The following DLG2 variants were observed in gnomAD, a reference collection of about 807,000 sequenced individuals.
The protein encoded by DLG2 is disks large homolog 2.
DLG2 carries 45 observed loss-of-function variants against 132.5 expected under a neutral mutation model. The observed-to-expected ratio is 0.34, with a 90% confidence interval of 0.27 to 0.44. The LOEUF is 0.44. DLG2 is among the 20% of genes least tolerant of loss of function. The pLI is 1.00. For missense variants in DLG2, 1,045 were observed against 1,196.9 expected (o/e 0.87, Z 1.87); for synonymous variants, 424 against 419.6 (o/e 1.01, Z -0.13).
chr11:83,770,178 T>C (rs562583548), intron 18 of DLG2, among the ~76,000 whole-genome samples: 3 of 152,138 alleles, frequency 2.0e-5, no homozygotes, highest in Admixed American at 2.0e-4. Context: ...ATCTTGTCCC[T>C]AAGTAAGTTT....
chr11:84,058,212 C>T (rs547491749), intron 11 of DLG2, among the ~76,000 whole-genome samples: 2 of 152,056 alleles, frequency 1.3e-5, no homozygotes, highest in East Asian at 3.9e-4. Flanking sequence ...ATGATTTACT[C>T]AAAGAGTACA....
At chr11:85,156,730 G>A (rs768411642) in intron 4 of DLG2, among the ~76,000 whole-genome samples, 20 of 152,090 alleles carry the variant, frequency 1.3e-4, no homozygotes, top group Non-Finnish European at 2.1e-4. Flanking sequence ...TGAACACGGC[G>A]GCACATCCAC....
At chr11:85,380,173 T>TA (rs397805341) in intron 3 of DLG2, among the ~76,000 whole-genome samples, 2 of 8,500 alleles carry the variant, frequency 2.4e-4, no homozygotes, top group African/African-American at 5.8e-4. Flanking sequence ...ACAAAAAATG[T>TA]AAGACATGAT....
chr11:84,239,913 A>G (rs1403369633), intron 8 of DLG2, among the ~76,000 whole-genome samples: 3 of 152,228 alleles, frequency 2.0e-5, no homozygotes, highest in Non-Finnish European at 4.4e-5. Context: ...GTTGTGTGGT[A>G]GAAACCGCTG....
At chr11:83,780,965 G>T (rs1241118227) in intron 18 of DLG2, among the ~76,000 whole-genome samples, 2 of 152,194 alleles carry the variant, frequency 1.3e-5, no homozygotes, top group African/African-American at 4.8e-5. Context: ...ACTCTAATGT[G>T]CATACAAGTT....
chr11:83,983,854 A>G (rs1178740641), intron 11 of DLG2, among the ~76,000 whole-genome samples: 11 of 152,072 alleles, frequency 7.2e-5, no homozygotes, highest in Admixed American at 7.2e-4. Flanking sequence ...GTTTCCCAAA[A>G]CTGTTACTTT....
At chr11:84,821,892 A>G (rs2077742609) in intron 6 of DLG2, among the ~76,000 whole-genome samples, 1 of 151,846 alleles carries the variant, frequency 6.6e-6, no homozygotes, top group South Asian at 2.1e-4. Flanking sequence ...TTTTTTAATC[A>G]TATCAAACAA....
At chr11:83,499,983 A>G (rs1448234507) in intron 21 of DLG2, among the ~76,000 whole-genome samples, 3 of 146,006 alleles carry the variant, frequency 2.1e-5, no homozygotes, top group Non-Finnish European at 3.0e-5. Context: ...TAACCTCCCT[A>G]TCTTGCTCCC....
Position 85,191,141 on chromosome 11 carries a change from C to A in DLG2, c.187-36490G>T, listed in dbSNP as rs374654392. 3.8e-4 allele frequency among the ~76,000 whole-genome samples: 56 copies of A among 147,274 alleles called. No homozygotes were observed. In the East Asian group the frequency reaches 0.011, roughly 28 times the overall value. The stretch of plus-strand genomic sequence containing the variant: ...GGTGATGAAATCATTTGTCTATATG[C>A]ATGCGCGCGCGCGCACGCGCGCACA... On this transcript the variant is annotated intron_variant, in intron 4 of 27. Transcript: ENST00000376104.
chr11:84,154,729 A>G (rs1220689296), intron 9 of DLG2, among the ~76,000 whole-genome samples: 3 of 151,536 alleles, frequency 2.0e-5, no homozygotes, highest in Non-Finnish European at 4.4e-5. Flanking sequence ...ATTCCCACCT[A>G]TGACTGAGAA....
intron 6 of DLG2, among the ~76,000 whole-genome samples, chr11:84,958,499 C>T (rs536547042): frequency 4.6e-4 from 70 of 152,300 alleles, no homozygotes; most frequent in African/African-American, 1.6e-3. Context: ...GTTGTTTGTG[C>T]TTGGCTCCAG....
chr11:84,976,388 G>A (rs2054908976), intron 6 of DLG2, among the ~76,000 whole-genome samples: 1 of 152,066 alleles, frequency 6.6e-6, no homozygotes. Flanking sequence ...CTAGAAAGAT[G>A]ACTACTAGGT....
rs55684820 is a variant in DLG2 at position 85,539,889 on chromosome 11, C to T, written c.40+58768G>A. On this transcript the variant is annotated intron_variant, in intron 3 of 27. Transcript: ENST00000376104. ...AAATAGAGCCAGGAGGCCATTTCAG[C>T]TGGGGCTTCAGGCACACCTTAAGCA... 8.1e-3 allele frequency among the ~76,000 whole-genome samples: 1,233 copies of T among 152,268 alleles called. 18 individuals are homozygous for T. The highest frequency in any genetic ancestry group is 0.029 in the African/African-American group (1,198 of 41,530).
intron 6 of DLG2, among the ~76,000 whole-genome samples, chr11:84,794,479 G>A (rs1380955478): frequency 6.6e-6 from 1 of 152,184 alleles, no homozygotes; most frequent in African/African-American, 2.4e-5. Context: ...CTCCCTGGGT[G>A]CAGCTGCAGC....
chr11:84,709,252 T>C (rs1475332352), intron 6 of DLG2, among the ~76,000 whole-genome samples: 1 of 151,948 alleles, frequency 6.6e-6, no homozygotes, highest in Admixed American at 6.6e-5. Context: ...TTGAATACAG[T>C]TAATATATGG....
At chr11:84,248,513 A>G (rs2097331986) in intron 8 of DLG2, among the ~76,000 whole-genome samples, 2 of 152,096 alleles carry the variant, frequency 1.3e-5, no homozygotes, top group Non-Finnish European at 2.9e-5. Flanking sequence ...AAACCACTAT[A>G]AAGATCCTTA....
chr11:85,022,158 A>T (rs1227555362), intron 6 of DLG2, among the ~76,000 whole-genome samples: 2 of 152,078 alleles, frequency 1.3e-5, no homozygotes, highest in Non-Finnish European at 2.9e-5. Flanking sequence ...GACTTAAGGC[A>T]CTATGGTTAT....
chr11:84,917,407 C>A (rs76269557), intron 6 of DLG2, among the ~76,000 whole-genome samples: 4,009 of 152,238 alleles, frequency 0.026, 79 homozygotes, highest in Non-Finnish European at 0.041. Context: ...GTTTTCATAT[C>A]TATATTATCT....
chr11:84,122,395 G>A, intron 9 of DLG2, among the ~76,000 whole-genome samples: 1 of 152,164 alleles, frequency 6.6e-6, no homozygotes, highest in East Asian at 1.9e-4. Context: ...AACACCTGGG[G>A]AGAGGACATG....
Sources: gnomAD v4.1 joint callset for allele counts (sites outside exome capture counted in the v4.1 genomes callset) on GRCh38, gnomAD v4.1.1 for gene constraint, MANE v1.5 for transcripts, NCBI Gene and HGNC (gene_info 2026-07-23, HGNC 2026-07-21) for gene names.